Variants in EFCAB5 observed in about 807,000 individuals in gnomAD.
EFCAB5 encodes EF-hand calcium binding domain 5.
EFCAB5 carries 131 observed loss-of-function variants against 167.9 expected under a neutral mutation model. That is an observed-to-expected ratio of 0.78 (90% confidence interval 0.68 to 0.90). EFCAB5 has a LOEUF of 0.90. Among genes scored for constraint, EFCAB5 ranks in the 40% least tolerant of loss-of-function variants. The probability of loss-of-function intolerance (pLI) is 0.00; values close to 1 mark genes in which losing one functional copy is unlikely to be tolerated. For synonymous variants in EFCAB5, 574 were observed against 602.8 expected (o/e 0.95, Z 0.70); for missense variants, 1,663 against 1,745.2 (o/e 0.95, Z 0.84).
intron 4 of EFCAB5, among the ~76,000 whole-genome samples, chr17:29,978,695 G>A (rs2068109148): frequency 6.6e-6 from 1 of 152,172 alleles, no homozygotes; most frequent in South Asian, 2.1e-4. Context: ...TGCCTGACAA[G>A]GTGTGGTTGT....
intron 22 of EFCAB5, among the ~76,000 whole-genome samples, chr17:30,106,294 TATAA>T (rs890793846): frequency 2.5e-4 from 38 of 151,344 alleles, no homozygotes; most frequent in South Asian, 2.1e-4. Flanking sequence ...TATTTATAAT[TATAA>T]ATAAATAAAT....
intron 7 of EFCAB5, among the ~76,000 whole-genome samples, chr17:30,021,379 A>G (rs1195458353): frequency 1.4e-5 from 2 of 147,836 alleles, no homozygotes; most frequent in Non-Finnish European, 3.0e-5. Context: ...AAATATTTTT[A>G]CATTTATATA....
rs116067880 is a variant in EFCAB5, at chr17:29,986,274, C to T, written c.768-6891C>T. Among the ~76,000 whole-genome samples, 937 of 152,274 alleles carry T rather than the reference C, an allele frequency of 6.2e-3. 7 individuals are homozygous for T. The highest frequency in any genetic ancestry group is 0.022 in the African/African-American group (895 of 41,540). ...AGAGCCATGAATAGTTTCCACAAGT[C>T]CTTATGTTTAGCTCCTACAGCGGGC... On this transcript the variant is annotated intron_variant, in intron 4 of 22. Transcript: ENST00000394835.
At chr17:30,064,228 T>C (rs73267668) in intron 14 of EFCAB5, among the ~76,000 whole-genome samples, 2,607 of 152,018 alleles carry the variant, frequency 0.017, 77 homozygotes, top group African/African-American at 0.059. Context: ...TTAAGGAAAC[T>C]CAACAAGACA....
At chr17:30,093,692 C>T (rs2071243409) in intron 22 of EFCAB5, among the ~76,000 whole-genome samples, 1 of 152,140 alleles carries the variant, frequency 6.6e-6, no homozygotes, top group Non-Finnish European at 1.5e-5. Flanking sequence ...CAATAGTGCC[C>T]TCTGGTGGAA....
At chr17:29,959,024 G>T (rs1374092543) in intron 3 of EFCAB5, among the ~76,000 whole-genome samples, 1 of 152,154 alleles carries the variant, frequency 6.6e-6, no homozygotes, top group Non-Finnish European at 1.5e-5. Context: ...TCTGTGCTGA[G>T]CTGCCTGGAC....
At chr17:30,051,085 A>T (rs766335658) in intron 8 of EFCAB5, 33 bp from the exon 9 acceptor site, 1 of 1,603,374 alleles carries the variant, frequency 6.2e-7, no homozygotes, top group African/African-American at 1.3e-5. Flanking sequence ...AATCTCCTGT[A>T]ACAACTAATC....
chr17:30,025,332 A>C (rs1335426301), intron 7 of EFCAB5, among the ~76,000 whole-genome samples: 1 of 152,196 alleles, frequency 6.6e-6, no homozygotes, highest in Non-Finnish European at 1.5e-5. Context: ...GAAAAAAACA[A>C]ACAAACCCAT....
At chr17:29,994,132 AAATATATATAT>A (rs1392009591) in intron 5 of EFCAB5, among the ~76,000 whole-genome samples, 1 of 71,502 alleles carries the variant, frequency 1.4e-5, no homozygotes, top group East Asian at 3.8e-4. Context: ...CAACAACAAC[AAATATATATAT>A]ATATATATAT....
intron 22 of EFCAB5, among the ~76,000 whole-genome samples, chr17:30,104,551 CA>C (rs5819879): frequency 0.56 from 82,282 of 145,754 alleles, 23,064 homozygotes; most frequent in East Asian, 0.78. Flanking sequence ...CAAAGCAAAG[CA>C]AAAAAAAAAA....
At chr17:29,944,243 T>C (rs1015320062) in intron 3 of EFCAB5, among the ~76,000 whole-genome samples, 4 of 151,846 alleles carry the variant, frequency 2.6e-5, no homozygotes, top group African/African-American at 9.7e-5. Flanking sequence ...ACCTAGCTAG[T>C]TTTTTATTTT....
intron 4 of EFCAB5, among the ~76,000 whole-genome samples, chr17:29,992,581 C>T (rs537647175): frequency 1.4e-4 from 22 of 152,278 alleles, no homozygotes; most frequent in African/African-American, 3.6e-4. Flanking sequence ...CTTCTGACCT[C>T]GTGATCCGCC....
chr17:30,000,022 T>G lies in EFCAB5; in HGVS notation c.1044+46T>G, dbSNP rs533042685. On this transcript the variant is annotated intron_variant, in intron 7 of 22. Coordinates refer to ENST00000394835, the MANE Select transcript of EFCAB5 (RefSeq NM_198529.4). Reference sequence around the variant, plus strand: ...TGTTTGAATTGAATTATTTTGTCAGTTTCAATTGTCTGTTGGTGGCTGTCA... The same window carrying G: ...TGTTTGAATTGAATTATTTTGTCAGGTTCAATTGTCTGTTGGTGGCTGTCA... The G allele has an allele frequency of 6.3e-5, 90 of 1,426,788 alleles. No homozygotes were observed. In the African/African-American group the frequency reaches 1.1e-3, roughly 17 times the overall value. 88.4% of individuals were successfully genotyped at this position (1,426,788 alleles called of 1,614,324 possible). A position where few individuals can be genotyped will look rare whatever the true frequency, so the allele number is the denominator to read the frequency against.
Position 30,053,801 on chromosome 17 carries a change from A to C in EFCAB5, c.1847A>C (p.Gln616Pro), listed in dbSNP as rs1749974542. 6.2e-7 allele frequency: 1 copy of C among 1,613,884 alleles called. No individual in the cohort carries two copies. Among genetic ancestry groups the C allele is most frequent in the African/African-American group, 1.3e-5 (1 of 74,914 alleles). Reference protein sequence around the residue: ...QGSRRESIAEQDRHKGSVAEQ... With the variant: ...QGSRRESIAEPDRHKGSVAEQ... ...TCACGCAGAGAGTCTATTGCAGAAC[A>C]AGATCGACACAAAGGGTCAGTAGCA... Residue 616 changes from glutamine to proline, a missense_variant, in exon 10 of 23, where the codon CAA becomes CCA. By Grantham distance (76) the Gln-to-Pro change is moderately conservative (BLOSUM62 -1). Coordinates refer to ENST00000394835, the MANE Select transcript of EFCAB5 (RefSeq NM_198529.4).
chr17:29,949,134 A>G (rs1197756967), intron 3 of EFCAB5, among the ~76,000 whole-genome samples: 1 of 152,202 alleles, frequency 6.6e-6, no homozygotes, highest in Non-Finnish European at 1.5e-5. Context: ...GCCTGCTAAG[A>G]CTTATTACAA....
At chr17:30,093,912 C>A (rs539731018) in intron 22 of EFCAB5, among the ~76,000 whole-genome samples, 8 of 152,282 alleles carry the variant, frequency 5.3e-5, no homozygotes, top group African/African-American at 1.4e-4. Context: ...GAGAGGAATT[C>A]TTCGGGGTGC....
intron 14 of EFCAB5, chr17:30,074,694 C>T (rs986703026): frequency 2.6e-5 from 4 of 152,146 alleles, no homozygotes; most frequent in African/African-American, 9.7e-5. Context: ...TTCTAGGCCA[C>T]AGGGTCTATA....
chr17:30,068,947 T>C, intron 14 of EFCAB5: 1 of 1,536,608 alleles, frequency 6.5e-7, no homozygotes, highest in Non-Finnish European at 9.0e-7. Context: ...CATGAGGACC[T>C]GTTCAGAAGC....
intron 8 of EFCAB5, among the ~76,000 whole-genome samples, chr17:30,044,850 A>AT (rs2069876096): frequency 6.6e-6 from 1 of 152,234 alleles, no homozygotes; most frequent in Non-Finnish European, 1.5e-5. Context: ...AGACTTATAC[A>AT]TGACTGTTCT....
Sources: gnomAD v4.1 joint callset for allele counts (sites outside exome capture counted in the v4.1 genomes callset) on GRCh38, gnomAD v4.1.1 for gene constraint, MANE v1.5 for transcripts, NCBI Gene and HGNC (gene_info 2026-07-23, HGNC 2026-07-21) for gene names.